The following IRAG2 variants were observed in gnomAD, a reference collection of about 807,000 sequenced individuals.
IRAG2 encodes the protein lymphoid restricted membrane protein.
IRAG2 carries 45 observed loss-of-function variants against 69.9 expected under a neutral mutation model. That is an observed-to-expected ratio of 0.64 (90% CI 0.51 to 0.83). IRAG2 has a LOEUF of 0.83. IRAG2 is among the 40% of genes least tolerant of loss of function. The pLI is 0.00. For missense variants in IRAG2, 520 were observed against 587.0 expected, an observed-to-expected ratio of 0.89 and a Z score of 1.18; for synonymous variants, 193 against 202.4, an observed-to-expected ratio of 0.95 and a Z score of 0.40.
exon 7 of IRAG2, chr12:25,020,838 G>A (rs1384358278): frequency 4.1e-6 from 5 of 1,231,940 alleles, no homozygotes; most frequent in African/African-American, 3.1e-5. Context: ...AAGAACTGGA[G>A]GAACTGAAAC....
chr12:25,052,458 G>A (rs1944905400), upstream of IRAG2: 1 of 393,652 alleles, frequency 2.5e-6, no homozygotes, highest in Non-Finnish European at 4.5e-6. Flanking sequence ...AAAAAAAAAA[G>A]CAAAGAGGAA....
At chr12:25,085,091 G>A (rs1298155260) in intron 10 of IRAG2, among the ~76,000 whole-genome samples, 1 of 152,246 alleles carries the variant, frequency 6.6e-6, no homozygotes, top group East Asian at 1.9e-4. Context: ...AAGTGAGTGT[G>A]TGTTACAAAG....
chr12:25,044,322 C>T (rs1944774294), intron 16 of IRAG2, among the ~76,000 whole-genome samples: 1 of 151,304 alleles, frequency 6.6e-6, no homozygotes, highest in South Asian at 2.1e-4. Flanking sequence ...GAGAAGTCAA[C>T]AAAACTCAAA....
chr12:25,059,588 A>G (rs1945484014), intron 1 of IRAG2, among the ~76,000 whole-genome samples: 2 of 152,184 alleles, frequency 1.3e-5, no homozygotes, highest in African/African-American at 4.8e-5. Flanking sequence ...TCCCGACCTC[A>G]GGTGACCCAT....
At chr12:25,095,056 CTT>C (rs1164121002) in intron 14 of IRAG2, among the ~76,000 whole-genome samples, 4 of 152,042 alleles carry the variant, frequency 2.6e-5, no homozygotes, top group African/African-American at 9.7e-5. Flanking sequence ...ATTTGGATAA[CTT>C]TTCATTATTT....
At chr12:25,006,248 G>A (rs992685943) in intron 2 of IRAG2, 15 of 152,156 alleles carry the variant, frequency 9.9e-5, no homozygotes, top group Admixed American at 3.3e-4. Context: ...TGAGGTTATC[G>A]AGAAAAGAGA....
intron 8 of IRAG2, among the ~76,000 whole-genome samples, chr12:25,026,220 T>C (rs1944620445): frequency 6.6e-6 from 1 of 152,186 alleles, no homozygotes; most frequent in African/African-American, 2.4e-5. Flanking sequence ...TGATATGATA[T>C]GATCACCAGT....
At chr12:25,037,853 T>C (rs1944714047) in intron 15 of IRAG2, 2 of 396,772 alleles carry the variant, frequency 5.0e-6, no homozygotes, top group Non-Finnish European at 8.9e-6. Flanking sequence ...CTCATTGACA[T>C]ACAGTTTTGG....
rs1193880793 is a variant in IRAG2 at position 25,105,424 on chromosome 12, ATGTT to A, written c.1148+964_1148+967del. Among the ~76,000 whole-genome samples, 3 of 152,116 alleles carry A rather than the reference ATGTT, an allele frequency of 2.0e-5. No homozygotes were observed. In the East Asian group the frequency reaches 5.8e-4, roughly 29 times the overall value. On this transcript the variant is annotated intron_variant, in intron 20 of 21. Transcript: ENST00000556887. ...TGAAGGATCTTAAGGAGATGATTTT[ATGTT>A]TATTTATTTTATTTTATACATTTTC...
intron 15 of IRAG2, among the ~76,000 whole-genome samples, chr12:25,099,999 T>TG (rs1948654223): frequency 5.1e-4 from 1 of 1,974 alleles, no homozygotes; most frequent in African/African-American, 3.8e-3. Context: ...AGACTCCATC[T>TG]GAAAAAAAAA....
At chr12:25,079,347 A>G in intron 7 of IRAG2, 51 bp from the exon 8 acceptor site, 1 of 1,610,422 alleles carries the variant, frequency 6.2e-7, no homozygotes. Context: ...TGGTTTTAAG[A>G]GAATTATTTG....
At chr12:25,029,964 T>A (rs955479542) in intron 9 of IRAG2, among the ~76,000 whole-genome samples, 5 of 152,206 alleles carry the variant, frequency 3.3e-5, no homozygotes, top group African/African-American at 1.2e-4. Flanking sequence ...CATTCCCTTA[T>A]TATGTTAAGT....
chr12:24,999,633 A>G (rs1247185214), upstream of IRAG2, among the ~76,000 whole-genome samples: 1 of 152,210 alleles, frequency 6.6e-6, no homozygotes, highest in Non-Finnish European at 1.5e-5. Context: ...TTTTCTGTTT[A>G]TAACCCTAGA....
intron 3 of IRAG2, among the ~76,000 whole-genome samples, chr12:25,012,094 C>T (rs1208286664): frequency 6.6e-6 from 1 of 151,098 alleles, no homozygotes; most frequent in Non-Finnish European, 1.5e-5. Context: ...TCTCAGGTGC[C>T]CTTGGCAGAT....
chr12:25,057,851 A>G (rs1945371739), intron 1 of IRAG2, among the ~76,000 whole-genome samples: 1 of 152,154 alleles, frequency 6.6e-6, no homozygotes, highest in African/African-American at 2.4e-5. Context: ...TCTAGAACTC[A>G]GTTACACAGT....
At chr12:25,048,387 C>T (rs368844895), upstream of IRAG2, among the ~76,000 whole-genome samples, 10 of 152,082 alleles carry the variant, frequency 6.6e-5, no homozygotes, top group African/African-American at 2.4e-4. Flanking sequence ...ACCTCCACCT[C>T]CCAGGTTCAA....
chr12:25,038,345 A>G (rs140169207), intron 16 of IRAG2, among the ~76,000 whole-genome samples: 57 of 152,296 alleles, frequency 3.7e-4, no homozygotes, highest in African/African-American at 1.2e-3. Context: ...GACGAACTAT[A>G]AAATCTGTGG....
chr12:25,033,888 A>T (rs193103569), exon 13 of IRAG2: 1 of 399,048 alleles, frequency 2.5e-6, no homozygotes, highest in East Asian at 3.6e-5. Context: ...GTGTAACAGT[A>T]TCATCTCTGA....
chr12:25,053,922 A>G, intron 1 of IRAG2, among the ~76,000 whole-genome samples: 1 of 152,048 alleles, frequency 6.6e-6, no homozygotes, highest in East Asian at 1.9e-4. Flanking sequence ...AGTTTAAGAA[A>G]TAGTCTAGTT....
Sources: gnomAD v4.1 joint callset for allele counts (sites outside exome capture counted in the v4.1 genomes callset) on GRCh38, gnomAD v4.1.1 for gene constraint, MANE v1.5 for transcripts, NCBI Gene and HGNC (gene_info 2026-07-23, HGNC 2026-07-21) for gene names.